The following CKAP5 variants were observed in gnomAD, a reference collection of about 807,000 sequenced individuals.
CKAP5 encodes cytoskeleton associated protein 5, also known as cytoskeleton-associated protein 5.
Under a neutral mutation model 232.8 loss-of-function variants are expected in CKAP5, and 27 were observed. The ratio of observed to expected loss-of-function variants is 0.12; its 90% confidence interval spans 0.09 to 0.16. The LOEUF (loss-of-function observed/expected upper bound fraction) is 0.16, where lower values mean the gene tolerates loss of function less well. Among genes scored for constraint, CKAP5 ranks in the 10% least tolerant of loss-of-function variants. CKAP5 has a pLI of 1.00. For missense variants in CKAP5, 1,838 were observed against 2,424.7 expected, an observed-to-expected ratio of 0.76 and a Z score of 5.08; for synonymous variants, 785 against 841.1, an observed-to-expected ratio of 0.93 and a Z score of 1.16.
intron 13 of CKAP5, among the ~76,000 whole-genome samples, chr11:46,791,259 T>C (rs2134639752): frequency 6.6e-6 from 1 of 151,868 alleles, no homozygotes; most frequent in South Asian, 2.1e-4. Flanking sequence ...TTTTTTTTTT[T>C]TGTTTTCTGA....
rs760507166 is a variant in CKAP5, at chr11:46,759,393, G to A, written c.4444C>T (p.Arg1482Ter). ...GHPEAAQMVRREFQLDLDEIE... is the reference protein window; with the variant it reads ...GHPEAAQMVR Reference sequence around the variant, plus strand: ...TCATCTAGATCCAGCTGGAATTCTCGGCGGACCATCTGGGCTGCCTCAGGA... The same window carrying A: ...TCATCTAGATCCAGCTGGAATTCTCAGCGGACCATCTGGGCTGCCTCAGGA... Residue 1482 changes from arginine to a stop codon, truncating the protein, a stop_gained, in exon 34 of 44, where the codon CGA becomes TGA. Transcript: ENST00000529230. LOFTEE classifies it high-confidence loss of function. 1 of 1,613,978 alleles carries A rather than the reference G, an allele frequency of 6.2e-7. No homozygotes were observed. The highest frequency in any genetic ancestry group is 8.5e-7 in the Non-Finnish European group (1 of 1,179,984).
chr11:46,794,067 G>T (rs1370768535), intron 13 of CKAP5, among the ~76,000 whole-genome samples: 1 of 152,188 alleles, frequency 6.6e-6, no homozygotes, highest in Non-Finnish European at 1.5e-5. Context: ...CATGCAAAAA[G>T]AATGAAGTTG....
In CKAP5 at chr11:46,765,821, T is replaced by TC. The variant is rs1301909796; in HGVS notation, c.3412-566dup. 4.6e-5 allele frequency among the ~76,000 whole-genome samples: 7 copies of TC among 152,222 alleles called. No individual in the cohort carries two copies. In the East Asian group the frequency reaches 1.4e-3, roughly 29 times the overall value. On this transcript the variant is annotated intron_variant, in intron 27 of 43. Transcript: ENST00000529230. Reference sequence around the variant, plus strand: ...GGTTTCACCATGTTGTCCAGGCTGGTCTCGAGCTCCTGACCTCAAGTGATC... The same window carrying TC: ...GGTTTCACCATGTTGTCCAGGCTGGTCCTCGAGCTCCTGACCTCAAGTGATC...
chr11:46,763,835 G>T (rs760326901), intron 28 of CKAP5, among the ~76,000 whole-genome samples: 5 of 152,102 alleles, frequency 3.3e-5, no homozygotes, highest in Non-Finnish European at 5.9e-5. Context: ...AAAAATTTTT[G>T]GAATTGTTTG....
intron 16 of CKAP5, among the ~76,000 whole-genome samples, chr11:46,788,381 C>A (rs1190986537): frequency 3.3e-5 from 5 of 152,208 alleles, no homozygotes; most frequent in Non-Finnish European, 7.3e-5. Context: ...TCGAGACCAG[C>A]CTGACCAACA....
chr11:46,826,434 G>C (rs948872305), intron 1 of CKAP5, among the ~76,000 whole-genome samples: 1 of 152,114 alleles, frequency 6.6e-6, no homozygotes, highest in African/African-American at 2.4e-5. Flanking sequence ...AAGGCCCAGA[G>C]AGAGAGATTC....
intron 1 of CKAP5, among the ~76,000 whole-genome samples, chr11:46,823,267 T>TA: frequency 6.6e-6 from 1 of 152,086 alleles, no homozygotes; most frequent in South Asian, 2.1e-4. Flanking sequence ...AGACAACACC[T>TA]TTTTCTTATA....
intron 26 of CKAP5, among the ~76,000 whole-genome samples, chr11:46,768,098 G>C (rs2065218347): frequency 1.3e-5 from 2 of 152,060 alleles, no homozygotes; most frequent in African/African-American, 4.8e-5. Context: ...GCCTGGCTTA[G>C]ATTTTTTTTT....
At chr11:46,752,193 T>TATATATATATATATATATACAC (rs1408030107) in intron 38 of CKAP5, among the ~76,000 whole-genome samples, 2 of 66,548 alleles carry the variant, frequency 3.0e-5, no homozygotes, top group African/African-American at 1.0e-4. Context: ...TATATATATA[T>TATATATATATATATATATACAC]ACACACACAC....
At position 46,818,161 on chromosome 11, in the gene CKAP5, G is replaced by A. The variant is rs555004136; in HGVS notation, c.251+149C>T. 1.2e-5 allele frequency: 6 copies of A among 521,234 alleles called. No individual in the cohort carries two copies. The East Asian group carries it at 2.0e-4, about 17-fold the overall frequency. The allele number at this position is 521,234 out of a possible 1,614,324, so 32.3% of individuals were successfully genotyped here. On this transcript the variant is annotated intron_variant, in intron 3 of 43. Transcript: ENST00000529230. ...ATTTAGATTTCTGAGAATAAAGACT[G>A]AATGAAAAACAAGTATCAAGAAACT...
rs772388714 is a variant in CKAP5 at position 46,777,477 on chromosome 11, A to T, written c.2824T>A (p.Leu942Ile). ...GPNIKQHVKN[L>I]GIPIITVLGD... ...AGGACTGTGATGATAGGGATGCCTA[A>T]ATTTTTTACATGTTGCTTAATATTT... The change falls in exon 23 of 44, where the codon TTA becomes ATA. Residue 942 changes from leucine (L) to isoleucine (I), a missense_variant. Physicochemically the swap from Leu to Ile is conservative, Grantham distance 5 (BLOSUM62 2). Around this residue, in one of 6 missense-constraint regions of CKAP5, gnomAD observed 767 missense variants for 954.6 expected, o/e 0.80. Transcript: ENST00000529230. 2 of 1,613,836 alleles carry T rather than the reference A, an allele frequency of 1.2e-6. No homozygotes were observed. The highest frequency in any genetic ancestry group is 3.3e-5 in the Admixed American group (2 of 60,008).
At chr11:46,839,305 C>T (rs773360935) in intron 1 of CKAP5, among the ~76,000 whole-genome samples, 5 of 151,880 alleles carry the variant, frequency 3.3e-5, no homozygotes, top group African/African-American at 4.8e-5. Flanking sequence ...ATGCAAAGAC[C>T]GAAAAGAATA....
chr11:46,832,606 C>T (rs1473631787), intron 1 of CKAP5, among the ~76,000 whole-genome samples: 1 of 152,184 alleles, frequency 6.6e-6, no homozygotes, highest in Non-Finnish European at 1.5e-5. Flanking sequence ...TTCTTGAACA[C>T]GTATTATGTG....
intron 8 of CKAP5, among the ~76,000 whole-genome samples, chr11:46,803,034 T>C (rs1939070795): frequency 6.6e-6 from 1 of 151,972 alleles, no homozygotes; most frequent in Non-Finnish European, 1.5e-5. Context: ...GAGGTTGAGG[T>C]GGGAGGATCG....
chr11:46,761,579 G>A (rs2065155403), intron 32 of CKAP5, among the ~76,000 whole-genome samples: 2 of 152,206 alleles, frequency 1.3e-5, no homozygotes, highest in Non-Finnish European at 1.5e-5. Context: ...AACCTAATGT[G>A]AGTGAAAAAC....
At chr11:46,793,356 A>AG (rs941070155) in intron 13 of CKAP5, among the ~76,000 whole-genome samples, 2 of 152,152 alleles carry the variant, frequency 1.3e-5, no homozygotes, top group African/African-American at 2.4e-5. Context: ...GGGGAAGGAG[A>AG]GTTAAACTTT....
intron 13 of CKAP5, 67 bp downstream of exon 13, chr11:46,795,527 G>A (rs2134646990): frequency 1.5e-6 from 2 of 1,324,728 alleles, no homozygotes; most frequent in Non-Finnish European, 2.1e-6. Flanking sequence ...TAATTTTAGA[G>A]GAACAACCAC....
At chr11:46,754,045 CTG>C (rs986222224) in intron 36 of CKAP5, among the ~76,000 whole-genome samples, 1 of 151,916 alleles carries the variant, frequency 6.6e-6, no homozygotes, top group African/African-American at 2.4e-5. Flanking sequence ...GTTGCCCAGA[CTG>C]GAGTGCAGTG....
Position 46,811,008 on chromosome 11 carries a change from T to C in CKAP5, c.629A>G (p.Gln210Arg). Residue 210 changes from glutamine to arginine, a missense_variant and splice_region_variant, in exon 5 of 44, where the codon CAG becomes CGG. By Grantham distance (43) the Gln-to-Arg change is conservative (BLOSUM62 1). Transcript: ENST00000529230. Reference sequence around the variant, plus strand: ...CAACCAGAAAACTTTTTGTCTCACCTGAACAGAGTTTATATTTTGTAATGG... The same window carrying C: ...CAACCAGAAAACTTTTTGTCTCACCCGAACAGAGTTTATATTTTGTAATGG... Reference protein sequence around the residue: ...RPPLQNINSVQLKELEEEWVK... With the variant: ...RPPLQNINSVRLKELEEEWVK... The C allele has an allele frequency of 6.2e-7, 1 of 1,606,732 alleles. No individual in the cohort carries two copies. The highest frequency in any genetic ancestry group is 8.5e-7 in the Non-Finnish European group (1 of 1,177,350).
Sources: allele counts gnomAD v4.1 joint callset (sites outside exome capture counted in the v4.1 genomes callset), GRCh38; gene constraint gnomAD v4.1.1; regional missense constraint gnomAD v4.1.1; transcripts MANE v1.5; gene names NCBI Gene and HGNC (gene_info 2026-07-23, HGNC 2026-07-21).